CLIC5: variants seen among roughly 807,000 people sequenced by gnomAD.
The protein encoded by CLIC5 is CLIC family member 5.
CLIC5 carries 20 observed loss-of-function variants against 24.7 expected under a neutral mutation model. The ratio of observed to expected loss-of-function variants is 0.81; its 90% CI spans 0.57 to 1.18. The LOEUF is 1.18. CLIC5 is among the 50% of genes most tolerant of loss of function. The probability of loss-of-function intolerance (pLI) is 0.00; values close to 1 mark genes in which losing one functional copy is unlikely to be tolerated. For synonymous variants in CLIC5, 159 were observed against 135.6 expected (o/e 1.17, Z -1.20); for missense variants, 341 against 326.1 (o/e 1.05, Z -0.35).
At chr6:46,121,672 C>G in the CLIC5 span, among the ~76,000 whole-genome samples, 7 of 152,084 alleles carry the variant, frequency 4.6e-5, no homozygotes, top group East Asian at 1.4e-3. Flanking sequence ...TCAGTGTGCT[C>G]TATTCAGGAA....
intron 1 of CLIC5, among the ~76,000 whole-genome samples, chr6:46,013,451 A>G (rs1318584823): frequency 1.3e-5 from 2 of 152,176 alleles, no homozygotes; most frequent in Non-Finnish European, 2.9e-5. Context: ...TGCTAACCTG[A>G]AGCTCAAAAA....
chr6:46,016,691 G>A (rs958551854), upstream of CLIC5, among the ~76,000 whole-genome samples: 3 of 152,036 alleles, frequency 2.0e-5, no homozygotes, highest in Non-Finnish European at 2.9e-5. Context: ...TGTAACGAGC[G>A]CCAGATGAAG....
In CLIC5 at chr6:45,974,493, GTGTGTA is replaced by G. The variant is rs749963362; in HGVS notation, c.64-19255_64-19250del. On this transcript the variant is annotated intron_variant, in intron 1 of 5. Transcript: ENST00000339561. ...AAGCAGTGTTTACTACTGTGTGTGT[GTGTGTA>G]TATATATATATATATATATATATAG... 5.2e-3 allele frequency among the ~76,000 whole-genome samples: 446 copies of G among 85,302 alleles called. 13 individuals are homozygous for G. Among genetic ancestry groups the G allele is most frequent in the African/African-American group, 0.012 (268 of 22,600 alleles). The allele number at this position is 85,302 out of a possible 152,430, so 56.0% of individuals were successfully genotyped here.
intron 4 of CLIC5, 123 bp from the exon 5 acceptor site, chr6:45,914,532 A>G (rs952200608): frequency 7.7e-7 from 1 of 1,295,282 alleles, no homozygotes; most frequent in Non-Finnish European, 9.8e-7. Context: ...CCAGCTCCCC[A>G]CACACTGCAG....
chr6:46,060,004 TA>T (rs976659006), intron 1 of CLIC5, among the ~76,000 whole-genome samples: 5 of 152,206 alleles, frequency 3.3e-5, no homozygotes, highest in East Asian at 1.9e-4. Flanking sequence ...TGGTGAGAGA[TA>T]GGGGTCTAGT....
At chr6:46,111,907 T>C in the CLIC5 span, among the ~76,000 whole-genome samples, 2 of 152,156 alleles carry the variant, frequency 1.3e-5, no homozygotes, top group African/African-American at 4.8e-5. Flanking sequence ...CCTGCACAAG[T>C]TCTCTCTTGT....
rs114469821 is a variant in CLIC5 at position 45,909,727 on chromosome 6, C to T, written c.588+4501G>A. On this transcript the variant is annotated intron_variant, in intron 5 of 5. Coordinates refer to ENST00000339561, the MANE Select transcript of CLIC5 (RefSeq NM_016929.5). ...TTAAGACTTTTTTCTTTGGCATTGACCTTGGACAGTTTGGTGACTATATAC... is the reference window on the plus strand; with the variant it reads ...TTAAGACTTTTTTCTTTGGCATTGATCTTGGACAGTTTGGTGACTATATAC... 5.6e-3 allele frequency among the ~76,000 whole-genome samples: 847 copies of T among 152,220 alleles called. 6 individuals are homozygous for T. The highest frequency in any genetic ancestry group is 0.02 in the African/African-American group (813 of 41,512).
the CLIC5 span, among the ~76,000 whole-genome samples, chr6:46,098,059 C>G: frequency 6.6e-6 from 1 of 152,218 alleles, no homozygotes; most frequent in East Asian, 1.9e-4. Context: ...AGGAGGGAGG[C>G]CTGGGCAATG....
intron 2 of CLIC5, among the ~76,000 whole-genome samples, chr6:45,949,701 G>A (rs1764407340): frequency 1.3e-5 from 2 of 152,272 alleles, no homozygotes; most frequent in African/African-American, 4.8e-5. Context: ...TTACCCAGGG[G>A]AGAGGTGGGG....
chr6:45,905,075 T>C (rs937365543), intron 5 of CLIC5, among the ~76,000 whole-genome samples: 2 of 152,188 alleles, frequency 1.3e-5, no homozygotes, highest in East Asian at 1.9e-4. Context: ...TACATGGCTA[T>C]GTAGTATTCC....
In CLIC5 at chr6:45,903,091, G is replaced by A; in HGVS notation, c.753C>T (p.Ser251=). The A allele has an allele frequency of 6.2e-7, 1 of 1,614,160 alleles. No individual in the cohort carries two copies. Among genetic ancestry groups the A allele is most frequent in the Non-Finnish European group, 8.5e-7 (1 of 1,180,000 alleles). The change falls in exon 6 of 6, where the codon TCC becomes TCT. Residue 251 remains serine (S), a synonymous_variant. Transcript: ENST00000339561. ...GGATGGGGCAAAATGGCTGTGCTCAGGATCGGCTGAGGCGTTTGGCGACAT... is the reference window on the plus strand; with the variant it reads ...GGATGGGGCAAAATGGCTGTGCTCAAGATCGGCTGAGGCGTTTGGCGACAT... ...YADVAKRLSR[S]
At chr6:45,937,667 G>A (rs376095046) in intron 4 of CLIC5, 10 of 152,350 alleles carry the variant, frequency 6.6e-5, no homozygotes, top group African/African-American at 2.2e-4. Flanking sequence ...TTAAATATTA[G>A]CTCGGACTTG....
chr6:46,044,853 T>A (rs1178112078), intron 1 of CLIC5, among the ~76,000 whole-genome samples: 1 of 152,194 alleles, frequency 6.6e-6, no homozygotes, highest in African/African-American at 2.4e-5. Flanking sequence ...AAATTCAAAA[T>A]GTATCTTGAT....
chr6:45,908,481 T>C (rs577525492), intron 5 of CLIC5, among the ~76,000 whole-genome samples: 1 of 152,310 alleles, frequency 6.6e-6, no homozygotes, highest in African/African-American at 2.4e-5. Flanking sequence ...GTCTTTGTTT[T>C]CATTTATTTC....
At chr6:46,103,940 G>T in the CLIC5 span, among the ~76,000 whole-genome samples, 1 of 152,098 alleles carries the variant, frequency 6.6e-6, no homozygotes, top group Non-Finnish European at 1.5e-5. Flanking sequence ...CTCTCTGGTG[G>T]AGCAAATGGT....
rs149370515 is a variant in CLIC5 at position 45,954,427 on chromosome 6, G to T, written c.173+708C>A. Among the ~76,000 whole-genome samples the T allele has an allele frequency of 5.2e-3, 799 of 152,266 alleles. 37 individuals carry two copies. Among genetic ancestry groups the T allele is most frequent in the Admixed American group, 0.046 (703 of 15,296 alleles). ...AGTGAAACTATCTAGATGATAGCAG[G>T]GCTCTGGGTGTAGAACAATTCACAT... On this transcript the variant is annotated intron_variant, in intron 2 of 5. Coordinates refer to ENST00000339561, the MANE Select transcript of CLIC5 (RefSeq NM_016929.5).
chr6:45,943,759 A>C (rs149485827), intron 3 of CLIC5, among the ~76,000 whole-genome samples: 2 of 152,332 alleles, frequency 1.3e-5, no homozygotes, highest in African/African-American at 4.8e-5. Flanking sequence ...ACCAAATCCA[A>C]GATGATGACA....
chr6:46,092,412 AT>A, the CLIC5 span, among the ~76,000 whole-genome samples: 16 of 150,022 alleles, frequency 1.1e-4, no homozygotes, highest in Non-Finnish European at 2.2e-4. Flanking sequence ...CATGATTATT[AT>A]TTTTTTCTCT....
intron 2 of CLIC5, among the ~76,000 whole-genome samples, chr6:45,954,513 C>T (rs1384344758): frequency 6.6e-6 from 1 of 152,160 alleles, no homozygotes; most frequent in Admixed American, 6.5e-5. Flanking sequence ...AGAAGATGAA[C>T]ACTTATGGGG....
Sources: gnomAD v4.1 joint callset for allele counts (sites outside exome capture counted in the v4.1 genomes callset) on GRCh38, gnomAD v4.1.1 for gene constraint, MANE v1.5 for transcripts, NCBI Gene and HGNC (gene_info 2026-07-23, HGNC 2026-07-21) for gene names.